The following HPSE2 variants were observed in gnomAD, a reference collection of about 807,000 sequenced individuals.
HPSE2 encodes the protein inactive heparanase-2.
Under a neutral mutation model 60.5 loss-of-function variants are expected in HPSE2, and 38 were observed. That is an observed-to-expected ratio of 0.63 (90% CI 0.48 to 0.82). The LOEUF is 0.82. Ranked by LOEUF, HPSE2 falls within the 40% of genes least tolerant of loss-of-function variation. The probability of loss-of-function intolerance (pLI) is 0.00; values close to 1 mark genes in which losing one functional copy is unlikely to be tolerated. For missense variants in HPSE2, 713 were observed against 740.4 expected (o/e 0.96, Z 0.43); for synonymous variants, 295 against 293.2 (o/e 1.01, Z -0.06).
chr10:99,295,463 A>G, the HPSE2 span, among the ~76,000 whole-genome samples: 3 of 152,248 alleles, frequency 2.0e-5, no homozygotes, highest in Admixed American at 6.5e-5. Flanking sequence ...AGTGAAAAAA[A>G]GCAAGATAAA....
chr10:98,560,423 C>T (rs1944138283), intron 9 of HPSE2, among the ~76,000 whole-genome samples: 1 of 152,246 alleles, frequency 6.6e-6, no homozygotes, highest in Non-Finnish European at 1.5e-5. Flanking sequence ...CAGTACATGT[C>T]TCTGCCCTGA....
intron 9 of HPSE2, among the ~76,000 whole-genome samples, chr10:98,563,719 T>C (rs990951408): frequency 6.6e-5 from 10 of 152,224 alleles, no homozygotes; most frequent in Non-Finnish European, 1.0e-4. Context: ...CTTCTTATTT[T>C]TTTTTCTGTA....
At chr10:99,039,051 G>T (rs967227391) in intron 3 of HPSE2, among the ~76,000 whole-genome samples, 3 of 152,032 alleles carry the variant, frequency 2.0e-5, no homozygotes, top group Non-Finnish European at 4.4e-5. Context: ...CAGAGGGCGC[G>T]TATCAGCTGT....
chr10:98,995,061 CT>C (rs959225621), intron 3 of HPSE2, among the ~76,000 whole-genome samples: 4 of 152,222 alleles, frequency 2.6e-5, no homozygotes, highest in Non-Finnish European at 4.4e-5. Context: ...CTTTTCCCAA[CT>C]CTCAGTCTGT....
rs1244862665 is a variant in HPSE2, at chr10:99,179,805, ACAATC to A, written c.449-35411_449-35407del. 2.0e-5 allele frequency among the ~76,000 whole-genome samples: 3 copies of A among 152,120 alleles called. No homozygotes were observed. In the East Asian group the frequency reaches 5.8e-4, roughly 29 times the overall value. ...CCAAAAAGGAGCCCACATAGCCAAGACAATCCTAAGCAAAAAGAACAAAGCTGGAG... is the reference window on the plus strand; with the variant it reads ...CCAAAAAGGAGCCCACATAGCCAAGACTAAGCAAAAAGAACAAAGCTGGAG... On this transcript the variant is annotated intron_variant, in intron 2 of 11. Coordinates refer to ENST00000370552, the MANE Select transcript of HPSE2 (RefSeq NM_021828.5).
chr10:99,257,556 G>A, the HPSE2 span, among the ~76,000 whole-genome samples: 1 of 152,082 alleles, frequency 6.6e-6, no homozygotes, highest in African/African-American at 2.4e-5. Flanking sequence ...AATAAATTTT[G>A]GTCAGACCGG....
At chr10:99,228,858 T>C (rs1406013515) in intron 2 of HPSE2, among the ~76,000 whole-genome samples, 2 of 152,084 alleles carry the variant, frequency 1.3e-5, no homozygotes, top group Non-Finnish European at 2.9e-5. Flanking sequence ...TATTAATTCA[T>C]GGGAAAACAA....
rs1417267473 is a variant in HPSE2, at chr10:98,729,508, C to T, written c.785-7680G>A. On this transcript the variant is annotated intron_variant, in intron 4 of 11. Coordinates refer to ENST00000370552, the MANE Select transcript of HPSE2 (RefSeq NM_021828.5). ...CCTGTAATCCCAGCTACTTGGGAGG[C>T]TGAGGCAGGAGAATGGCGTGAACCT... Among the ~76,000 whole-genome samples, 3 of 152,152 alleles carry T rather than the reference C, an allele frequency of 2.0e-5. No individual in the cohort carries two copies. In the East Asian group the frequency reaches 5.8e-4, roughly 29 times the overall value.
intron 3 of HPSE2, among the ~76,000 whole-genome samples, chr10:98,974,168 C>T (rs951063362): frequency 5.9e-5 from 9 of 151,692 alleles, no homozygotes; most frequent in Non-Finnish European, 1.2e-4. Flanking sequence ...GGTGTGCACC[C>T]GTAATCACAG....
At chr10:98,891,268 A>G (rs1415734087) in intron 3 of HPSE2, among the ~76,000 whole-genome samples, 1 of 152,200 alleles carries the variant, frequency 6.6e-6, no homozygotes, top group African/African-American at 2.4e-5. Context: ...AAATGATCCA[A>G]TTAGCATAAA....
At chr10:99,003,699 A>C (rs1281138772) in intron 3 of HPSE2, among the ~76,000 whole-genome samples, 1 of 152,026 alleles carries the variant, frequency 6.6e-6, no homozygotes, top group Non-Finnish European at 1.5e-5. Context: ...TATTGAGTTG[A>C]GTTCCTTACA....
At chr10:98,684,301 G>A (rs1947856803) in intron 6 of HPSE2, among the ~76,000 whole-genome samples, 1 of 152,098 alleles carries the variant, frequency 6.6e-6, no homozygotes, top group Admixed American at 6.6e-5. Flanking sequence ...ATATCTCCAA[G>A]GAGAAGATGA....
intron 3 of HPSE2, among the ~76,000 whole-genome samples, chr10:98,870,152 A>G (rs1321853184): frequency 6.6e-6 from 1 of 152,202 alleles, no homozygotes; most frequent in Non-Finnish European, 1.5e-5. Flanking sequence ...TCCAGTGAAT[A>G]TACGGTTAAT....
intron 3 of HPSE2, among the ~76,000 whole-genome samples, chr10:99,043,642 G>A (rs1261867753): frequency 6.6e-6 from 1 of 152,112 alleles, no homozygotes; most frequent in Admixed American, 6.5e-5. Context: ...TCCAAGAGCT[G>A]AAAGATACAA....
At chr10:98,794,480 A>G (rs994906609) in intron 3 of HPSE2, among the ~76,000 whole-genome samples, 8 of 152,128 alleles carry the variant, frequency 5.3e-5, no homozygotes, top group African/African-American at 1.2e-4. Flanking sequence ...CCTGGCCTCA[A>G]GTGACCCACC....
chr10:99,310,752 G>A, the HPSE2 span, among the ~76,000 whole-genome samples: 2 of 151,972 alleles, frequency 1.3e-5, no homozygotes, highest in African/African-American at 4.8e-5. Flanking sequence ...TCAGCCTCCC[G>A]AGTAGCTGGA....
At chr10:98,804,005 T>C (rs1033171274) in intron 3 of HPSE2, among the ~76,000 whole-genome samples, 14 of 152,002 alleles carry the variant, frequency 9.2e-5, no homozygotes, top group African/African-American at 3.4e-4. Flanking sequence ...CATTGAGCAG[T>C]GGTTTGTAGT....
chr10:99,243,378 A>T, the HPSE2 span, among the ~76,000 whole-genome samples: 265 of 152,168 alleles, frequency 1.7e-3, 1 homozygote, highest in African/African-American at 5.9e-3. Context: ...TATAGAGTTA[A>T]AATTTTCAAG....
At chr10:99,166,987 CT>C (rs745679614) in intron 2 of HPSE2, among the ~76,000 whole-genome samples, 1 of 148,982 alleles carries the variant, frequency 6.7e-6, no homozygotes, top group Non-Finnish European at 1.5e-5. Flanking sequence ...TTCTTTTTTT[CT>C]TTTTTCTTTC....
Sources: allele counts gnomAD v4.1 joint callset (sites outside exome capture counted in the v4.1 genomes callset), GRCh38; gene constraint gnomAD v4.1.1; transcripts MANE v1.5; gene names NCBI Gene and HGNC (gene_info 2026-07-23, HGNC 2026-07-21).